Variants in SPIRE1 observed in about 807,000 individuals in gnomAD.
The protein encoded by SPIRE1 is spire type actin nucleation factor 1.
In SPIRE1, 40 loss-of-function variants were observed where a neutral mutation model predicts 94.1. The ratio of observed to expected loss-of-function variants is 0.43; its 90% confidence interval spans 0.33 to 0.55. SPIRE1 has a LOEUF of 0.55. SPIRE1 is among the 20% of genes least tolerant of loss of function. The pLI, the probability that SPIRE1 is intolerant of heterozygous loss-of-function variation, is 0.06. For missense variants in SPIRE1, 838 were observed against 975.2 expected (o/e 0.86, Z 1.87); for synonymous variants, 376 against 371.7 (o/e 1.01, Z -0.13).
chr18:12,641,955 C>T (rs2038098489), intron 1 of SPIRE1, among the ~76,000 whole-genome samples: 1 of 151,480 alleles, frequency 6.6e-6, no homozygotes, highest in Non-Finnish European at 1.5e-5. Flanking sequence ...CCTCAGCCTC[C>T]TGAGTAGCTG....
chr18:12,457,846 C>CTTTTTTTT (rs201510377), intron 12 of SPIRE1, among the ~76,000 whole-genome samples: 1 of 132,248 alleles, frequency 7.6e-6, no homozygotes, highest in African/African-American at 2.8e-5. Flanking sequence ...TTTCTTTTTT[C>CTTTTTTTT]TTTTTTTTTT....
chr18:12,616,344 C>A (rs2037307858), intron 2 of SPIRE1, among the ~76,000 whole-genome samples: 1 of 152,128 alleles, frequency 6.6e-6, no homozygotes. Context: ...TCGACTCCAT[C>A]TGGAGTGGAG....
intron 6 of SPIRE1, among the ~76,000 whole-genome samples, chr18:12,505,019 G>A (rs1395178427): frequency 5.3e-5 from 8 of 152,174 alleles, no homozygotes; most frequent in African/African-American, 1.9e-4. Context: ...AGGTAACCTG[G>A]ATCCAGCCGT....
chr18:12,657,426 TGG>T (rs951603153), intron 1 of SPIRE1, 102 bp downstream of exon 1: 31 of 939,198 alleles, frequency 3.3e-5, no homozygotes, highest in Non-Finnish European at 4.1e-5. Context: ...CGTGGCAAAA[TGG>T]GGGGGGACGG....
chr18:12,517,123 G>C (rs544194675), intron 4 of SPIRE1, among the ~76,000 whole-genome samples: 3 of 152,134 alleles, frequency 2.0e-5, no homozygotes, highest in South Asian at 4.1e-4. Context: ...CTATCTTTTG[G>C]ATTTTATAGA....
At chr18:12,501,351 A>G (rs2033657927) in intron 6 of SPIRE1, among the ~76,000 whole-genome samples, 1 of 152,158 alleles carries the variant, frequency 6.6e-6, no homozygotes, top group African/African-American at 2.4e-5. Flanking sequence ...TATATATAAT[A>G]AAAAAGAAAA....
intron 2 of SPIRE1, among the ~76,000 whole-genome samples, chr18:12,551,124 A>C (rs969284330): frequency 3.9e-5 from 6 of 152,234 alleles, no homozygotes; most frequent in Admixed American, 6.5e-5. Context: ...GTGAATAAGT[A>C]ATAAGCACCT....
intron 3 of SPIRE1, among the ~76,000 whole-genome samples, chr18:12,538,988 C>T (rs990557608): frequency 6.6e-6 from 1 of 152,226 alleles, no homozygotes; most frequent in Admixed American, 6.5e-5. Context: ...TCCTAACTTC[C>T]TCTCTCACTA....
intron 5 of SPIRE1, among the ~76,000 whole-genome samples, chr18:12,510,081 T>C (rs2033983736): frequency 6.9e-6 from 1 of 145,096 alleles, no homozygotes; most frequent in African/African-American, 2.6e-5. Context: ...CAAGACTCCA[T>C]CTAAAAAAAA....
intron 2 of SPIRE1, among the ~76,000 whole-genome samples, chr18:12,612,965 A>G (rs2037184509): frequency 6.6e-6 from 1 of 152,058 alleles, no homozygotes; most frequent in Admixed American, 6.6e-5. Context: ...TCCCCATCAC[A>G]GGGCCCTATT....
At chr18:12,648,090 G>A (rs1291457798) in intron 1 of SPIRE1, among the ~76,000 whole-genome samples, 8 of 152,080 alleles carry the variant, frequency 5.3e-5, no homozygotes, top group Non-Finnish European at 1.2e-4. Context: ...ACAAATGATT[G>A]AATATATAAG....
chr18:12,577,430 A>G (rs752380962), intron 2 of SPIRE1, among the ~76,000 whole-genome samples: 5 of 152,140 alleles, frequency 3.3e-5, no homozygotes, highest in Non-Finnish European at 5.9e-5. Flanking sequence ...TACAGGCATG[A>G]GCCACCGTGC....
At chr18:12,460,734 C>A (rs1375570395) in intron 12 of SPIRE1, among the ~76,000 whole-genome samples, 1 of 151,264 alleles carries the variant, frequency 6.6e-6, no homozygotes, top group Non-Finnish European at 1.5e-5. Flanking sequence ...AAATTATCAA[C>A]AATAAAAACA....
chr18:12,658,911 A>T (rs1465739885), upstream of SPIRE1: 3 of 265,410 alleles, frequency 1.1e-5, no homozygotes, highest in Non-Finnish European at 1.5e-5. Context: ...CATTTGTAAC[A>T]TTGGTCCCTT....
intron 2 of SPIRE1, chr18:12,588,442 C>A (rs894012833): frequency 1.3e-5 from 2 of 151,910 alleles, no homozygotes; most frequent in African/African-American, 4.8e-5. Flanking sequence ...AAATGATTAT[C>A]ATTACATGTT....
chr18:12,565,566 A>G (rs1445345246), intron 2 of SPIRE1, among the ~76,000 whole-genome samples: 1 of 151,700 alleles, frequency 6.6e-6, no homozygotes, highest in African/African-American at 2.4e-5. Context: ...TAGAGACGAG[A>G]TTTCACCACG....
chr18:12,547,004 C>A, intron 2 of SPIRE1, 100 bp from the exon 3 acceptor site: 1 of 711,020 alleles, frequency 1.4e-6, no homozygotes, highest in Non-Finnish European at 2.3e-6. Flanking sequence ...TCCCTCAAAC[C>A]AACATACAAC....
chr18:12,491,221 C>T (rs575991001), intron 8 of SPIRE1, among the ~76,000 whole-genome samples: 37 of 135,018 alleles, frequency 2.7e-4, no homozygotes, highest in African/African-American at 1.1e-3. Context: ...TGAATACTAC[C>T]CAAAGCTATA....
At chr18:12,515,509 C>G (rs969361283) in intron 4 of SPIRE1, among the ~76,000 whole-genome samples, 6 of 151,966 alleles carry the variant, frequency 3.9e-5, no homozygotes, top group Non-Finnish European at 8.8e-5. Flanking sequence ...AGAGAGAAAC[C>G]CTGTCTCAAA....
Sources: gnomAD v4.1 joint callset for allele counts (sites outside exome capture counted in the v4.1 genomes callset) on GRCh38, gnomAD v4.1.1 for gene constraint, MANE v1.5 for transcripts, NCBI Gene and HGNC (gene_info 2026-07-23, HGNC 2026-07-21) for gene names.